APP: variants seen among roughly 807,000 people sequenced by gnomAD.
APP encodes the protein amyloid beta precursor protein, also known as amyloid-beta precursor protein.
In APP, 31 loss-of-function variants were observed where a neutral mutation model predicts 101.4. That is an observed-to-expected ratio of 0.31 (90% CI 0.23 to 0.41). The LOEUF (loss-of-function observed/expected upper bound fraction) is 0.41, where lower values mean the gene tolerates loss of function less well. APP is among the 10% of genes least tolerant of loss of function. APP has a pLI of 1.00. For missense variants in APP, 839 were observed against 1,003.7 expected (o/e 0.84, Z 2.22); for synonymous variants, 366 against 364.4 (o/e 1.00, Z -0.05).
At chr21:25,979,011 T>C (rs1390209791) in intron 9 of APP, among the ~76,000 whole-genome samples, 1 of 152,150 alleles carries the variant, frequency 6.6e-6, no homozygotes, top group African/African-American at 2.4e-5. Flanking sequence ...AAGGACTTCA[T>C]TTTAAGCATA....
chr21:25,954,590 C>T lies in APP; in HGVS notation c.1687G>A (p.Asp563Asn). The T allele has an allele frequency of 1.2e-6, 2 of 1,612,128 alleles. No homozygotes were observed. The highest frequency in any genetic ancestry group is 1.1e-5 in the South Asian group (1 of 90,942). The change falls in exon 13 of 18, where the codon GAT (aspartate) becomes AAT (asparagine). Residue 563 changes from aspartate to asparagine, a missense_variant and splice_region_variant. Asp to Asn is a conservative substitution (Grantham distance 23, BLOSUM62 1). Transcript: ENST00000346798. The stretch of plus-strand genomic sequence containing the variant: ...AGCATCAAAAGAACAGCTTACTTAC[C>T]AACTTCATCCTGAATCTCCTCGGCC... ...AVAEEIQDEV[D>N]ELLQKEQNYS... is the part of the protein sequence containing the mutation.
intron 5 of APP, among the ~76,000 whole-genome samples, chr21:26,036,998 G>C (rs1172158552): frequency 6.6e-6 from 1 of 152,166 alleles, no homozygotes. Context: ...ATGTGTGTGT[G>C]TCCGTGCGTG....
chr21:25,986,098 T>C lies in APP; in HGVS notation c.1091-3621A>G, dbSNP rs998565987. 2.6e-5 allele frequency among the ~76,000 whole-genome samples: 4 copies of C among 152,142 alleles called. No individual in the cohort carries two copies. In the East Asian group the frequency reaches 7.7e-4, roughly 29 times the overall value. On this transcript the variant is annotated intron_variant, in intron 8 of 17. Coordinates refer to ENST00000346798, the MANE Select transcript of APP (RefSeq NM_000484.4). ...TTAAATTCATAGGACTGACTACCAT[T>C]TTGTGATTATGTCCACAGAAGGCCA...
intron 13 of APP, among the ~76,000 whole-genome samples, chr21:25,950,001 C>T (rs533197693): frequency 6.6e-6 from 1 of 152,312 alleles, no homozygotes; most frequent in Admixed American, 6.5e-5. Context: ...TTCACTAGCC[C>T]ATATGCTGCC....
intron 5 of APP, among the ~76,000 whole-genome samples, chr21:26,036,096 C>A (rs947736887): frequency 3.3e-5 from 5 of 151,982 alleles, no homozygotes; most frequent in Non-Finnish European, 7.4e-5. Flanking sequence ...AGTCTACTTA[C>A]AAATGGTATT....
chr21:25,906,686 G>A (rs1782978), intron 14 of APP, among the ~76,000 whole-genome samples: 136,359 of 152,208 alleles, frequency 0.9, 61,123 homozygotes, highest in Non-Finnish European at 0.91. Context: ...CCTATTTGCA[G>A]CAACCTGTAA....
At chr21:26,130,894 C>T (rs1302577609) in intron 1 of APP, among the ~76,000 whole-genome samples, 1 of 152,154 alleles carries the variant, frequency 6.6e-6, no homozygotes, top group African/African-American at 2.4e-5. Context: ...AGAATAAATT[C>T]TATTATCTTC....
intron 6 of APP, among the ~76,000 whole-genome samples, chr21:26,007,373 T>C (rs1357235974): frequency 6.8e-6 from 1 of 147,392 alleles, no homozygotes; most frequent in African/African-American, 2.5e-5. Flanking sequence ...AATTATAATA[T>C]ATTAGATTAT....
chr21:26,065,625 G>T (rs535424182), intron 3 of APP, among the ~76,000 whole-genome samples: 2 of 152,256 alleles, frequency 1.3e-5, no homozygotes, highest in East Asian at 3.9e-4. Context: ...CAAAGCTAAT[G>T]ACAGAGGTGG....
chr21:26,082,624 T>C (rs2061620497), intron 3 of APP, among the ~76,000 whole-genome samples: 1 of 152,146 alleles, frequency 6.6e-6, no homozygotes, highest in Admixed American at 6.5e-5. Context: ...TTAAAGACTT[T>C]GTTGACCCTC....
intron 2 of APP, among the ~76,000 whole-genome samples, chr21:26,101,780 T>C (rs945272828): frequency 6.6e-6 from 1 of 152,208 alleles, no homozygotes; most frequent in African/African-American, 2.4e-5. Context: ...AAATCTGCCA[T>C]AGCTTCCACC....
chr21:26,041,030 G>A (rs2045352319), intron 5 of APP, among the ~76,000 whole-genome samples: 1 of 152,184 alleles, frequency 6.6e-6, no homozygotes, highest in Non-Finnish European at 1.5e-5. Context: ...GACAGATTTT[G>A]TTCACTCTCT....
At chr21:25,882,606 C>T (rs781626292) in intron 17 of APP, among the ~76,000 whole-genome samples, 31 of 151,936 alleles carry the variant, frequency 2.0e-4, no homozygotes, top group Middle Eastern at 6.8e-3. Context: ...GTACTTACCC[C>T]TACAACGTGG....
intron 1 of APP, among the ~76,000 whole-genome samples, chr21:26,159,712 A>C (rs746387360): frequency 6.6e-6 from 1 of 152,248 alleles, no homozygotes; most frequent in African/African-American, 2.4e-5. Context: ...ACAACAAGAC[A>C]CTAATATTTT....
chr21:26,071,162 C>A (rs1241227195), intron 3 of APP, among the ~76,000 whole-genome samples: 1 of 152,124 alleles, frequency 6.6e-6, no homozygotes. Flanking sequence ...TAAAGCAAGG[C>A]ATCAAATGAA....
chr21:26,133,997 T>G (rs2146283692), intron 1 of APP, among the ~76,000 whole-genome samples: 1 of 152,310 alleles, frequency 6.6e-6, no homozygotes, highest in African/African-American at 2.4e-5. Flanking sequence ...ACCCATTGAC[T>G]TCGCTTATGT....
chr21:26,160,909 T>C (rs2146376613), intron 1 of APP, among the ~76,000 whole-genome samples: 1 of 152,330 alleles, frequency 6.6e-6, no homozygotes, highest in Admixed American at 6.5e-5. Flanking sequence ...CGTGATGTAT[T>C]GACAGTATTT....
At chr21:26,154,988 A>G (rs1159400220) in intron 1 of APP, among the ~76,000 whole-genome samples, 1 of 152,238 alleles carries the variant, frequency 6.6e-6, no homozygotes, top group Non-Finnish European at 1.5e-5. Flanking sequence ...GCGGTGGCTC[A>G]CAACTGTAAT....
intron 17 of APP, among the ~76,000 whole-genome samples, chr21:25,885,273 C>T (rs970738264): frequency 2.6e-5 from 4 of 152,230 alleles, no homozygotes; most frequent in African/African-American, 7.2e-5. Flanking sequence ...CTCCAGCAGG[C>T]TCACCAATCT....
Sources: allele counts gnomAD v4.1 joint callset (sites outside exome capture counted in the v4.1 genomes callset), GRCh38; gene constraint gnomAD v4.1.1; transcripts MANE v1.5; gene names NCBI Gene and HGNC (gene_info 2026-07-23, HGNC 2026-07-21).